SLC4A10: variants seen among roughly 807,000 people sequenced by gnomAD.
The protein encoded by SLC4A10 is solute carrier family 4 member 10.
In SLC4A10, 42 loss-of-function variants were observed where a neutral mutation model predicts 137.7. That is an observed-to-expected ratio of 0.30 (90% confidence interval 0.24 to 0.39). The LOEUF (loss-of-function observed/expected upper bound fraction) is 0.39, where lower values mean the gene tolerates loss of function less well. Among genes scored for constraint, SLC4A10 ranks in the 10% least tolerant of loss-of-function variants. The probability of loss-of-function intolerance (pLI) is 1.00; values close to 1 mark genes in which losing one functional copy is unlikely to be tolerated. For synonymous variants in SLC4A10, 474 were observed against 464.1 expected, an observed-to-expected ratio of 1.02 and a Z score of -0.27; for missense variants, 925 against 1,355.0, an observed-to-expected ratio of 0.68 and a Z score of 4.98.
chr2:161,950,666 C>T (rs907698832), intron 18 of SLC4A10, 21 bp from the exon 19 acceptor site: 1 of 1,566,436 alleles, frequency 6.4e-7, no homozygotes, highest in Admixed American at 1.9e-5. Context: ...CATAACTATG[C>T]ACATTCTTTA....
At chr2:161,809,655 T>G (rs1045653196) in intron 3 of SLC4A10, among the ~76,000 whole-genome samples, 1 of 152,110 alleles carries the variant, frequency 6.6e-6, no homozygotes, top group South Asian at 2.1e-4. Flanking sequence ...TTAGTTATTC[T>G]TGGTGACTTT....
intron 4 of SLC4A10, among the ~76,000 whole-genome samples, chr2:161,843,842 C>T (rs2059336603): frequency 6.6e-6 from 1 of 152,110 alleles, no homozygotes; most frequent in South Asian, 2.1e-4. Context: ...TTCCACCTGT[C>T]ACGTATCACA....
intron 1 of SLC4A10, among the ~76,000 whole-genome samples, chr2:161,666,390 C>T (rs1351666169): frequency 3.3e-5 from 5 of 151,402 alleles, no homozygotes; most frequent in South Asian, 4.1e-4. Context: ...TCTTTTTCTG[C>T]GTTTGGAATA....
In SLC4A10 at chr2:161,804,492, A is replaced by G. The variant is rs2055707948; in HGVS notation, c.174A>G (p.Gly58=). ...LFIGVHVPLG[G]RKSHRRHRHR... is the part of the protein sequence containing the mutation. ...TTGGAGTACATGTGCCCTTGGGAGG[A>G]AGAAAAAGCCATCGACGTCACAGGC... Residue 58 remains glycine, a synonymous_variant, in exon 3 of 27, where the codon GGA becomes GGG. Transcript: ENST00000446997. 6.2e-7 allele frequency: 1 copy of G among 1,613,040 alleles called. No individual in the cohort carries two copies. Among genetic ancestry groups the G allele is most frequent in the South Asian group, 1.1e-5 (1 of 91,048 alleles).
chr2:161,820,802 G>A (rs2057550618), intron 3 of SLC4A10, among the ~76,000 whole-genome samples: 1 of 152,114 alleles, frequency 6.6e-6, no homozygotes, highest in Non-Finnish European at 1.5e-5. Context: ...ACCGATGAAT[G>A]AAATTATCAA....
At chr2:161,905,025 T>C in intron 14 of SLC4A10, 116 bp downstream of exon 14, 1 of 1,015,558 alleles carries the variant, frequency 9.8e-7, no homozygotes, top group South Asian at 2.4e-5. Flanking sequence ...GCCTGATTTG[T>C]TTCAGTTTAT....
chr2:161,693,218 A>C (rs2042171861), intron 1 of SLC4A10, among the ~76,000 whole-genome samples: 1 of 152,128 alleles, frequency 6.6e-6, no homozygotes. Context: ...GTTTGCTGGC[A>C]GTATTGTTCT....
chr2:161,865,238 CTGTT>C (rs755385438), intron 6 of SLC4A10, among the ~76,000 whole-genome samples: 49 of 151,982 alleles, frequency 3.2e-4, no homozygotes, highest in African/African-American at 5.1e-4. Context: ...TCTAGGCACA[CTGTT>C]TGTTACTGCT....
rs746323817 is a variant in SLC4A10, at chr2:161,771,074, G to A, written c.130+20G>A. On this transcript the variant is annotated intron_variant, in intron 2 of 26. Transcript: ENST00000446997. Reference sequence around the variant, plus strand: ...TAGAAGGTAAGACCATTTTTCTTGGGATAGCTATTGGTGTGCTTTCCAAAA... The same window carrying A: ...TAGAAGGTAAGACCATTTTTCTTGGAATAGCTATTGGTGTGCTTTCCAAAA... 6.6e-7 allele frequency: 1 copy of A among 1,524,478 alleles called. No individual in the cohort carries two copies. Among genetic ancestry groups the A allele is most frequent in the Non-Finnish European group, 9.0e-7 (1 of 1,109,622 alleles). 94.4% of individuals were successfully genotyped at this position (1,524,478 alleles called of 1,614,324 possible). A position where few individuals can be genotyped will look rare whatever the true frequency, so the allele number is the denominator to read the frequency against.
intron 1 of SLC4A10, among the ~76,000 whole-genome samples, chr2:161,635,108 A>G (rs1280953796): frequency 6.6e-6 from 1 of 152,110 alleles, no homozygotes; most frequent in Non-Finnish European, 1.5e-5. Context: ...GAATTTAACC[A>G]TGTCAATGCA....
At chr2:161,653,282 G>A (rs762497728) in intron 1 of SLC4A10, among the ~76,000 whole-genome samples, 2 of 152,004 alleles carry the variant, frequency 1.3e-5, no homozygotes, top group Non-Finnish European at 1.5e-5. Flanking sequence ...CCAAGTCGTC[G>A]CTATTGCCAA....
At chr2:161,895,264 A>G (rs1377152419) in intron 11 of SLC4A10, among the ~76,000 whole-genome samples, 2 of 152,086 alleles carry the variant, frequency 1.3e-5, no homozygotes, top group Non-Finnish European at 2.9e-5. Flanking sequence ...ATGGCTGCAT[A>G]GTATTCCATG....
intron 1 of SLC4A10, among the ~76,000 whole-genome samples, chr2:161,714,319 T>G (rs184744616): frequency 6.6e-5 from 10 of 152,048 alleles, no homozygotes; most frequent in African/African-American, 2.2e-4. Context: ...AAACCTTGAA[T>G]ATCATTGGGC....
At chr2:161,903,871 A>C (rs888805492) in intron 12 of SLC4A10, 133 bp from the exon 13 acceptor site, 2 of 831,166 alleles carry the variant, frequency 2.4e-6, no homozygotes, top group Non-Finnish European at 3.7e-6. Flanking sequence ...AAGACAATGC[A>C]GCAGGTTAAT....
At chr2:161,947,531 C>T (rs750284862) in intron 16 of SLC4A10, 35 bp from the exon 17 acceptor site, 1 of 1,588,884 alleles carries the variant, frequency 6.3e-7, no homozygotes, top group Non-Finnish European at 8.6e-7. Context: ...CCGGTTTTTT[C>T]TTAGTAGCTC....
intron 1 of SLC4A10, among the ~76,000 whole-genome samples, chr2:161,634,495 C>T (rs1230067428): frequency 6.6e-6 from 1 of 151,794 alleles, no homozygotes; most frequent in Non-Finnish European, 1.5e-5. Context: ...AATTTTAGCA[C>T]TCATTGGTAA....
chr2:161,927,028 TTA>T (rs1398719552), intron 15 of SLC4A10, among the ~76,000 whole-genome samples: 1 of 152,164 alleles, frequency 6.6e-6, no homozygotes, highest in African/African-American at 2.4e-5. Context: ...AATCTGAAAA[TTA>T]TGTGTCTTGG....
intron 1 of SLC4A10, among the ~76,000 whole-genome samples, chr2:161,652,732 T>C (rs2036970098): frequency 6.6e-6 from 1 of 151,948 alleles, no homozygotes; most frequent in African/African-American, 2.4e-5. Flanking sequence ...TTTATGACCA[T>C]TGATCAGCAA....
chr2:161,626,038 G>A (rs2032293834), intron 1 of SLC4A10, among the ~76,000 whole-genome samples: 4 of 152,102 alleles, frequency 2.6e-5, no homozygotes, highest in Admixed American at 2.0e-4. Context: ...CATAAATTAG[G>A]ATTCTGTTAG....
Sources: allele counts gnomAD v4.1 joint callset (sites outside exome capture counted in the v4.1 genomes callset), GRCh38; gene constraint gnomAD v4.1.1; transcripts MANE v1.5; gene names NCBI Gene and HGNC (gene_info 2026-07-23, HGNC 2026-07-21).